The following DMRT3 variants were observed in gnomAD, a reference collection of about 807,000 sequenced individuals.
DMRT3 encodes doublesex and mab-3 related transcription factor 3.
In DMRT3, 29 loss-of-function variants were observed where a neutral mutation model predicts 34.9. The ratio of observed to expected loss-of-function variants is 0.83; its 90% CI spans 0.62 to 1.13. The LOEUF (loss-of-function observed/expected upper bound fraction) is 1.13, where lower values mean the gene tolerates loss of function less well. Among genes scored for constraint, DMRT3 ranks in the 50% most tolerant of loss-of-function variants. DMRT3 has a pLI of 0.00. For missense variants in DMRT3, 772 were observed against 629.1 expected, an observed-to-expected ratio of 1.23 and a Z score of -2.43; for synonymous variants, 350 against 286.0, an observed-to-expected ratio of 1.22 and a Z score of -2.26.
rs917991786 is a variant in DMRT3 at position 990,742 on chromosome 9, C to A, written c.1156C>A (p.Pro386Thr). 3.7e-6 allele frequency: 6 copies of A among 1,613,974 alleles called. No individual in the cohort carries two copies. In the African/African-American group the frequency reaches 6.7e-5, roughly 18 times the overall value. Residue 386 changes from proline to threonine, a missense_variant, in exon 2 of 2, where the codon CCC (proline) becomes ACC (threonine). Transcript: ENST00000190165. The part of the protein sequence containing the change: ...LARSQSSPFL[P>T]NDVTLWNTMT... The stretch of plus-strand genomic sequence containing the variant: ...GAGAAGCCAGTCGAGCCCCTTTTTG[C>A]CCAATGATGTCACCCTGTGGAACAC...
At chr9:982,254 C>T (rs1030285704) in intron 1 of DMRT3, among the ~76,000 whole-genome samples, 8 of 152,184 alleles carry the variant, frequency 5.3e-5, no homozygotes, top group African/African-American at 1.9e-4. Flanking sequence ...CTGCCTGGGA[C>T]TGGCGTCAGG....
intron 1 of DMRT3, among the ~76,000 whole-genome samples, chr9:983,772 A>G (rs552529116): frequency 1.3e-5 from 2 of 152,318 alleles, no homozygotes; most frequent in Non-Finnish European, 2.9e-5. Flanking sequence ...CCACAGTTGC[A>G]AACCATACTT....
At position 977,436 on chromosome 9, in the gene DMRT3, G is replaced by A. The variant is rs772182173; in HGVS notation, c.435G>A (p.Gln145=). 44 of 1,278,004 alleles carry A rather than the reference G, an allele frequency of 3.4e-5. No individual in the cohort carries two copies. The highest frequency in any genetic ancestry group is 3.4e-5 in the South Asian group (1 of 29,188). 79.2% of individuals were successfully genotyped at this position (1,278,004 alleles called of 1,614,324 possible). A position where few individuals can be genotyped will look rare whatever the true frequency, so the allele number is the denominator to read the frequency against. ...CCGAGCCGCAGCCCGGGGCTCTGCA[G>A]GCGCAGCTCGCCAAGCCAGGTAAGA... ...WTAEPQPGAL[Q]AQLAKPDLTE... is the part of the protein sequence containing the mutation. Residue 145 remains glutamine (Q), a synonymous_variant, in exon 1 of 2, where the codon CAG becomes CAA. Transcript: ENST00000190165.
At chr9:979,803 T>A (rs1794980656) in intron 1 of DMRT3, among the ~76,000 whole-genome samples, 1 of 152,218 alleles carries the variant, frequency 6.6e-6, no homozygotes, top group African/African-American at 2.4e-5. Flanking sequence ...ATACCCTTTT[T>A]GCAGTTGTTC....
At chr9:984,375 T>C (rs1820257182) in intron 1 of DMRT3, among the ~76,000 whole-genome samples, 1 of 152,230 alleles carries the variant, frequency 6.6e-6, no homozygotes, top group Admixed American at 6.5e-5. Flanking sequence ...TTTCATTCTG[T>C]ATGTAAGAAC....
rs867212777 is a variant in DMRT3 at position 990,503 on chromosome 9, C to T, written c.917C>T (p.Ala306Val). Residue 306 changes from alanine to valine, a missense_variant, in exon 2 of 2, where the codon GCG becomes GTG. Transcript: ENST00000190165. ...ACTTCCGCAGAACCTGAGAGTCTAG[C>T]GTTGCCCTCCAATGGGCACATCTTT... ...ERTSAEPESLALPSNGHIFEH... is the reference protein window; with the variant it reads ...ERTSAEPESLVLPSNGHIFEH... The T allele has an allele frequency of 6.2e-6, 10 of 1,613,986 alleles. No individual in the cohort carries two copies. The highest frequency in any genetic ancestry group is 5.3e-5 in the African/African-American group (4 of 74,890).
At chr9:977,563 C>T (rs1480584309) in intron 1 of DMRT3, 108 bp downstream of exon 1, 2 of 1,020,644 alleles carry the variant, frequency 2.0e-6, no homozygotes, top group Non-Finnish European at 2.4e-6. Flanking sequence ...GGACGTGGGC[C>T]TGTCGGGGCT....
chr9:986,050 C>A (rs1186129334), intron 1 of DMRT3, among the ~76,000 whole-genome samples: 1 of 152,144 alleles, frequency 6.6e-6, no homozygotes, highest in South Asian at 2.1e-4. Flanking sequence ...ATGGAGGATT[C>A]GGTGTAATCT....
rs766970430 is a variant in DMRT3, at chr9:990,510, C to T, written c.924C>T (p.Pro308=). Residue 308 remains proline, a synonymous_variant, in exon 2 of 2, where the codon CCC becomes CCT. Coordinates refer to ENST00000190165, the MANE Select transcript of DMRT3 (RefSeq NM_021240.4). ...CAGAACCTGAGAGTCTAGCGTTGCC[C>T]TCCAATGGGCACATCTTTGAACACA... ...TSAEPESLAL[P]SNGHIFEHTL... The T allele has an allele frequency of 1.9e-6, 3 of 1,614,154 alleles. No individual in the cohort carries two copies. Among genetic ancestry groups the T allele is most frequent in the Admixed American group, 1.7e-5 (1 of 60,018 alleles).
At position 977,054 on chromosome 9, in the gene DMRT3, C is replaced by A. The variant is rs116052222; in HGVS notation, c.53C>A (p.Pro18Gln). 2,061 of 1,571,990 alleles carry A rather than the reference C, an allele frequency of 1.3e-3. 34 individuals carry two copies. In the African/African-American group the frequency reaches 0.026, roughly 20 times the overall value. ...YLYMGGPVSQ[P>Q]PRAPLQRTPK... is the part of the protein sequence containing the mutation. ...TACATGGGCGGCCCGGTGTCGCAGC[C>A]GCCACGGGCGCCCCTGCAGCGCACG... Residue 18 changes from proline (P) to glutamine (Q), a missense_variant, in exon 1 of 2, where the codon CCG (proline) becomes CAG (glutamine). Coordinates refer to ENST00000190165, the MANE Select transcript of DMRT3 (RefSeq NM_021240.4).
rs116713963 is a variant in DMRT3 at position 976,887 on chromosome 9, A to G, written c.-115A>G. On this transcript the variant is annotated 5_prime_UTR_variant, in exon 1 of 2. Coordinates refer to ENST00000190165, the MANE Select transcript of DMRT3 (RefSeq NM_021240.4). The surrounding 1 kb of genome is among the most constrained non-coding windows in gnomAD (Gnocchi z 4.5). ...CACACACGACCACCGGGGCTGCGGGACCAAGGGCCGCGTCGCCCGGAGGCC... is the reference window on the plus strand; with the variant it reads ...CACACACGACCACCGGGGCTGCGGGGCCAAGGGCCGCGTCGCCCGGAGGCC... 7,048 of 1,175,810 alleles carry G rather than the reference A, an allele frequency of 6.0e-3. 341 individuals carry two copies. The African/African-American group carries it at 0.1, about 17-fold the overall frequency. The allele number at this position is 1,175,810 out of a possible 1,614,324, so 72.8% of individuals were successfully genotyped here. A position where few individuals can be genotyped will look rare whatever the true frequency, so the allele number is the denominator to read the frequency against.
At position 986,647 on chromosome 9, in the gene DMRT3, C is replaced by A. The variant is rs188079001; in HGVS notation, c.455-3394C>A. ...GTGGCTGACTCCTGTAATCCCAGCA[C>A]TTTGGGAGGCTGAGGCGGGTGGATC... On this transcript the variant is annotated intron_variant, in intron 1 of 1. Transcript: ENST00000190165. Among the ~76,000 whole-genome samples the A allele has an allele frequency of 1.7e-3, 265 of 152,210 alleles. 1 individual carries two copies. Among genetic ancestry groups the A allele is most frequent in the African/African-American group, 6.3e-3 (260 of 41,526 alleles).
chr9:984,352 A>T (rs760828503), intron 1 of DMRT3, among the ~76,000 whole-genome samples: 50 of 152,094 alleles, frequency 3.3e-4, no homozygotes, highest in Non-Finnish European at 6.3e-4. Flanking sequence ...TCTCTGCTCG[A>T]GTTTTTCTGT....
chr9:976,868 C>T lies in DMRT3; in HGVS notation c.-134C>T, dbSNP rs951647358. 7 of 981,958 alleles carry T rather than the reference C, an allele frequency of 7.1e-6. No homozygotes were observed. The highest frequency in any genetic ancestry group is 8.0e-5 in the Admixed American group (2 of 25,118). The allele number at this position is 981,958 out of a possible 1,614,324, so 60.8% of individuals were successfully genotyped here. A position where few individuals can be genotyped will look rare whatever the true frequency, so the allele number is the denominator to read the frequency against. On this transcript the variant is annotated 5_prime_UTR_variant, in exon 1 of 2. It adds an upstream start codon to the 5' untranslated region. Transcript: ENST00000190165. This position sits in a 1 kb window ranked among gnomAD's most constrained non-coding sequence, Gnocchi z 4.5. ...ACCTCCGGCCGCCCCGGAGCACACA[C>T]GACCACCGGGGCTGCGGGACCAAGG...
chr9:989,956 A>G (rs758263189), intron 1 of DMRT3, 85 bp from the exon 2 acceptor site: 1 of 1,522,296 alleles, frequency 6.6e-7, no homozygotes, highest in Non-Finnish European at 8.8e-7. Context: ...TCTTCCAAAA[A>G]GCACGTGTAC....
At chr9:981,268 T>C (rs1161017169) in intron 1 of DMRT3, among the ~76,000 whole-genome samples, 6 of 152,262 alleles carry the variant, frequency 3.9e-5, no homozygotes, top group South Asian at 2.1e-4. Flanking sequence ...CTTCCTTTTT[T>C]TTTAATTTTT....
In DMRT3 at chr9:990,866, C is replaced by T. The variant is rs1820354385; in HGVS notation, c.1280C>T (p.Ala427Val). 1 of 1,614,014 alleles carries T rather than the reference C, an allele frequency of 6.2e-7. No individual in the cohort carries two copies. Among genetic ancestry groups the T allele is most frequent in the African/African-American group, 1.3e-5 (1 of 74,912 alleles). ...TTCAGAAGCTCGCCCGTCCTTCCTG[C>T]CCGCGCCACGGAAGACCCTCGGATT... ...SVFRSSPVLPARATEDPRISI... is the reference protein window; with the variant it reads ...SVFRSSPVLPVRATEDPRISI... The change falls in exon 2 of 2, where the codon GCC becomes GTC. Residue 427 changes from alanine (A) to valine (V), a missense_variant. Coordinates refer to ENST00000190165, the MANE Select transcript of DMRT3 (RefSeq NM_021240.4).
At chr9:977,717 G>T (rs745485459) in intron 1 of DMRT3, among the ~76,000 whole-genome samples, 8 of 152,242 alleles carry the variant, frequency 5.3e-5, no homozygotes, top group Non-Finnish European at 1.0e-4. Context: ...GTATCGCCAG[G>T]TGCCTTCCCA....
chr9:987,198 A>G (rs969490212), intron 1 of DMRT3, among the ~76,000 whole-genome samples: 7 of 152,102 alleles, frequency 4.6e-5, no homozygotes, highest in Admixed American at 2.0e-4. Context: ...CCATGAAACA[A>G]TAACTCCCCA....
Sources: allele counts gnomAD v4.1 joint callset (sites outside exome capture counted in the v4.1 genomes callset), GRCh38; gene constraint gnomAD v4.1.1; non-coding constraint Gnocchi (gnomAD v3.1); transcripts MANE v1.5; gene names NCBI Gene and HGNC (gene_info 2026-07-23, HGNC 2026-07-21).